TRMT11: variants seen among roughly 807,000 people sequenced by gnomAD.
TRMT11 encodes tRNA (guanine(10)-N(2))-methyltransferase TRMT11.
A neutral mutation model predicts 62.8 loss-of-function variants in TRMT11; 53 were observed. That is an observed-to-expected ratio of 0.84 (90% CI 0.68 to 1.06). The LOEUF (loss-of-function observed/expected upper bound fraction) is 1.06, where lower values mean the gene tolerates loss of function less well. TRMT11 is among the 50% of genes least tolerant of loss of function. The pLI is 0.00. For synonymous variants in TRMT11, 188 were observed against 190.3 expected, an observed-to-expected ratio of 0.99 and a Z score of 0.10; for missense variants, 556 against 553.4, an observed-to-expected ratio of 1.00 and a Z score of -0.05.
chr6:126,040,277 T>C (rs1258984532), downstream of TRMT11, among the ~76,000 whole-genome samples: 1 of 152,064 alleles, frequency 6.6e-6, no homozygotes, highest in African/African-American at 2.4e-5. Context: ...ACTTAAAAAA[T>C]ATTTGAAATT....
chr6:126,210,377 G>A, the TRMT11 span, among the ~76,000 whole-genome samples: 4 of 152,140 alleles, frequency 2.6e-5, no homozygotes, highest in South Asian at 2.1e-4. Context: ...TTATTTCAAC[G>A]ACCAGTGAGT....
intron 21 of TRMT11, among the ~76,000 whole-genome samples, chr6:126,159,303 T>A (rs573253784): frequency 6.6e-6 from 1 of 152,314 alleles, no homozygotes; most frequent in South Asian, 2.1e-4. Flanking sequence ...TGCAAATACC[T>A]TAGGCTTTAG....
intron 21 of TRMT11, among the ~76,000 whole-genome samples, chr6:126,152,057 T>C (rs796435365): frequency 6.8e-5 from 10 of 147,508 alleles, no homozygotes; most frequent in African/African-American, 2.5e-4. Flanking sequence ...CTTTTCTTTC[T>C]TTTTTTTCTG....
At chr6:126,027,164 A>G (rs1773326810) in intron 12 of TRMT11, among the ~76,000 whole-genome samples, 1 of 152,156 alleles carries the variant, frequency 6.6e-6, no homozygotes, top group Non-Finnish European at 1.5e-5. Flanking sequence ...ATGCTGCTAT[A>G]TGTGGTTGTA....
At chr6:126,194,227 T>C (rs1253542340) in intron 1 of TRMT11, among the ~76,000 whole-genome samples, 11 of 152,190 alleles carry the variant, frequency 7.2e-5, no homozygotes, top group Admixed American at 7.2e-4. Flanking sequence ...GTTCTGTCCA[T>C]TCCATTGCTT....
At chr6:126,243,343 T>G in the TRMT11 span, among the ~76,000 whole-genome samples, 1 of 152,130 alleles carries the variant, frequency 6.6e-6, no homozygotes, top group Admixed American at 6.5e-5. Flanking sequence ...GGTGGGACTG[T>G]AAACTAGTTC....
chr6:126,121,830 C>T (rs1055525799), intron 21 of TRMT11, among the ~76,000 whole-genome samples: 1 of 151,986 alleles, frequency 6.6e-6, no homozygotes, highest in Non-Finnish European at 1.5e-5. Flanking sequence ...CTGAAATCAC[C>T]AATCTACTCT....
chr6:126,158,891 G>A (rs563530871), intron 21 of TRMT11, among the ~76,000 whole-genome samples: 2 of 152,266 alleles, frequency 1.3e-5, no homozygotes, highest in Admixed American at 6.5e-5. Flanking sequence ...CAGCTACCAC[G>A]TGGCATCTTT....
chr6:126,091,020 G>C (rs1777269676), intron 17 of TRMT11, among the ~76,000 whole-genome samples: 1 of 152,070 alleles, frequency 6.6e-6, no homozygotes, highest in Admixed American at 6.6e-5. Flanking sequence ...AGACCACCTG[G>C]TCAACATGGC....
chr6:126,093,629 A>ATTTTTTTTTTTTTTTTTTT (rs1199202335), intron 17 of TRMT11, among the ~76,000 whole-genome samples: 1 of 94,040 alleles, frequency 1.1e-5, no homozygotes, highest in African/African-American at 4.6e-5. Context: ...ATATATATAT[A>ATTTTTTTTTTTTTTTTTTT]TATTTTCCCC....
At position 126,093,610 on chromosome 6, in the gene TRMT11, TATATATATATATA is replaced by T. The variant is rs1161099800; in HGVS notation, c.*1438-19255_*1438-19243del. Among the ~76,000 whole-genome samples the T allele has an allele frequency of 1.3e-3, 124 of 95,296 alleles. 5 individuals carry two copies. The highest frequency in any genetic ancestry group is 6.7e-3 in the East Asian group (24 of 3,586). 62.5% of individuals were successfully genotyped at this position (95,296 alleles called of 152,430 possible). The stretch of plus-strand genomic sequence containing the variant: ...GTATATATATATATATATATATATA[TATATATATATATA>T]TATATATATTTTCCCCCAGTCCTGG... On this transcript the variant is annotated intron_variant and NMD_transcript_variant, in intron 17 of 22. Transcript: ENST00000648977.
chr6:126,142,498 G>A lies in TRMT11; in HGVS notation c.*1823+26643G>A, dbSNP rs186776320. 5.2e-4 allele frequency among the ~76,000 whole-genome samples: 79 copies of A among 152,010 alleles called. 1 individual carries two copies. In the South Asian group the frequency reaches 7.7e-3, roughly 15 times the overall value. Reference sequence around the variant, plus strand: ...CTTTTGATTTGTAGGTAGAAATTGCGTTAAGAAATAACAGAAAGAACATGA... The same window carrying A: ...CTTTTGATTTGTAGGTAGAAATTGCATTAAGAAATAACAGAAAGAACATGA... On this transcript the variant is annotated intron_variant and NMD_transcript_variant, in intron 21 of 22. Transcript: ENST00000648977.
At chr6:126,240,289 T>C in the TRMT11 span, among the ~76,000 whole-genome samples, 19 of 152,186 alleles carry the variant, frequency 1.2e-4, no homozygotes, top group Non-Finnish European at 1.2e-4. Context: ...GGTGCTTTGA[T>C]TTTTAGAGTT....
At chr6:126,151,808 TTC>T (rs1491269975) in intron 21 of TRMT11, among the ~76,000 whole-genome samples, 3 of 78,094 alleles carry the variant, frequency 3.8e-5, no homozygotes, top group Admixed American at 1.2e-4. Context: ...TCTCTGTCTT[TTC>T]TTTCTTTCTT....
chr6:126,044,022 G>A (rs1465304346), downstream of TRMT11, among the ~76,000 whole-genome samples: 3 of 151,188 alleles, frequency 2.0e-5, no homozygotes, highest in East Asian at 3.9e-4. Context: ...CACTCTGATG[G>A]TAGTTTCTTT....
chr6:126,021,566 C>A (rs1046230429), intron 12 of TRMT11, among the ~76,000 whole-genome samples: 3 of 152,176 alleles, frequency 2.0e-5, no homozygotes, highest in African/African-American at 7.2e-5. Context: ...TATAAAACAG[C>A]ATTATTAAAC....
the TRMT11 span, among the ~76,000 whole-genome samples, chr6:126,257,718 G>A: frequency 7.2e-5 from 11 of 152,030 alleles, no homozygotes; most frequent in Admixed American, 1.3e-4. Flanking sequence ...AAGGTCCTGC[G>A]CCACAGAGTC....
intron 17 of TRMT11, among the ~76,000 whole-genome samples, chr6:126,055,671 G>T (rs911116087): frequency 1.3e-5 from 2 of 152,114 alleles, no homozygotes; most frequent in Non-Finnish European, 2.9e-5. Flanking sequence ...GATCATAAAG[G>T]AATTGACGTT....
downstream of TRMT11, among the ~76,000 whole-genome samples, chr6:126,202,625 T>C (rs1485841658): frequency 1.3e-5 from 2 of 152,210 alleles, no homozygotes; most frequent in Non-Finnish European, 2.9e-5. Flanking sequence ...TAGTTTTGTG[T>C]TGATTTCTTT....
Sources: allele counts gnomAD v4.1 joint callset (sites outside exome capture counted in the v4.1 genomes callset), GRCh38; gene constraint gnomAD v4.1.1; transcripts MANE v1.5; gene names NCBI Gene and HGNC (gene_info 2026-07-23, HGNC 2026-07-21).